GTF2F2: variants seen among roughly 807,000 people sequenced by gnomAD.
GTF2F2 encodes general transcription factor IIF subunit 2, also known as ATP-dependent helicase GTF2F2.
Under a neutral mutation model 42.2 loss-of-function variants are expected in GTF2F2, and 23 were observed. That is an observed-to-expected ratio of 0.55 (90% CI 0.39 to 0.77). The LOEUF (loss-of-function observed/expected upper bound fraction) is 0.77. Ranked by LOEUF, GTF2F2 falls within the 30% of genes least tolerant of loss-of-function variation. The probability of loss-of-function intolerance (pLI) is 0.00; values close to 1 mark genes in which losing one functional copy is unlikely to be tolerated. For synonymous variants in GTF2F2, 105 were observed against 100.8 expected (o/e 1.04, Z -0.25); for missense variants, 261 against 287.2 (o/e 0.91, Z 0.66).
At chr13:45,171,266 A>G (rs1466503232) in intron 4 of GTF2F2, among the ~76,000 whole-genome samples, 1 of 151,786 alleles carries the variant, frequency 6.6e-6, no homozygotes, top group South Asian at 2.1e-4. Context: ...TTTAGTAGAG[A>G]TGGAGTTTCG....
At chr13:45,130,581 G>A (rs1869293640) in intron 1 of GTF2F2, among the ~76,000 whole-genome samples, 2 of 152,216 alleles carry the variant, frequency 1.3e-5, no homozygotes, top group South Asian at 4.1e-4. Flanking sequence ...GTAGTAACTC[G>A]AGTTGGTGAG....
chr13:45,162,219 G>A (rs1402642310), intron 4 of GTF2F2, among the ~76,000 whole-genome samples: 1 of 152,152 alleles, frequency 6.6e-6, no homozygotes, highest in East Asian at 1.9e-4. Flanking sequence ...ATGCTCTGTG[G>A]TGACTCCAGC....
chr13:45,176,271 A>G (rs1302882181), intron 4 of GTF2F2, among the ~76,000 whole-genome samples: 2 of 152,162 alleles, frequency 1.3e-5, no homozygotes, highest in African/African-American at 2.4e-5. Flanking sequence ...TCCCATCAGT[A>G]GTGTATGTAA....
chr13:45,278,766 A>G lies in GTF2F2; in HGVS notation c.631-4676A>G, dbSNP rs141496682. 8.8e-3 allele frequency among the ~76,000 whole-genome samples: 1,235 copies of G among 140,630 alleles called. 8 individuals carry two copies. Among genetic ancestry groups the G allele is most frequent in the Non-Finnish European group, 0.014 (918 of 65,896 alleles). The allele number at this position is 140,630 out of a possible 152,430, so 92.3% of individuals were successfully genotyped here. A position where few individuals can be genotyped will look rare whatever the true frequency, so the allele number is the denominator to read the frequency against. ...AGTGGTCTCATAATACCCTGTACAC[A>G]TGCCTCTGTTATATTTTCTGATTAC... On this transcript the variant is annotated intron_variant, in intron 7 of 7. Transcript: ENST00000340473.
intron 4 of GTF2F2, among the ~76,000 whole-genome samples, chr13:45,164,790 C>A (rs1053374898): frequency 6.6e-6 from 1 of 152,052 alleles, no homozygotes; most frequent in Non-Finnish European, 1.5e-5. Context: ...GTACCCAGTG[C>A]TGGTAAAAAG....
intron 4 of GTF2F2, among the ~76,000 whole-genome samples, chr13:45,159,235 T>A (rs1870916239): frequency 6.6e-6 from 1 of 152,230 alleles, no homozygotes; most frequent in Non-Finnish European, 1.5e-5. Context: ...AAGAACATAC[T>A]AGTTTGTATT....
At chr13:45,173,123 T>C (rs1194937907) in intron 4 of GTF2F2, among the ~76,000 whole-genome samples, 1 of 152,106 alleles carries the variant, frequency 6.6e-6, no homozygotes, top group East Asian at 1.9e-4. Context: ...CACATAGATA[T>C]AGAAAAAAGT....
intron 4 of GTF2F2, among the ~76,000 whole-genome samples, chr13:45,183,168 C>T (rs368952319): frequency 1.3e-5 from 2 of 152,268 alleles, no homozygotes; most frequent in East Asian, 1.9e-4. Flanking sequence ...TGTGTGACTG[C>T]AGGCAAATTG....
intron 2 of GTF2F2, among the ~76,000 whole-genome samples, chr13:45,139,645 T>G (rs1171646277): frequency 2.0e-5 from 3 of 152,202 alleles, no homozygotes; most frequent in African/African-American, 7.2e-5. Context: ...TTCTTTTGTG[T>G]TGTTATTTAT....
At chr13:45,166,317 C>T (rs1871295897) in intron 4 of GTF2F2, among the ~76,000 whole-genome samples, 1 of 152,246 alleles carries the variant, frequency 6.6e-6, no homozygotes, top group Non-Finnish European at 1.5e-5. Context: ...CCAACTCTAT[C>T]AGAAGTCACC....
chr13:45,138,622 C>T (rs771574541), intron 2 of GTF2F2, among the ~76,000 whole-genome samples: 3 of 152,072 alleles, frequency 2.0e-5, no homozygotes, highest in Admixed American at 6.5e-5. Context: ...TTGTGAGTGA[C>T]GATTATGATG....
At chr13:45,189,065 A>G (rs1872532913) in intron 4 of GTF2F2, among the ~76,000 whole-genome samples, 1 of 151,830 alleles carries the variant, frequency 6.6e-6, no homozygotes, top group African/African-American at 2.4e-5. Context: ...TCCCCACCCC[A>G]CAACAGGCCC....
chr13:45,176,567 G>A (rs1156844040), intron 4 of GTF2F2, among the ~76,000 whole-genome samples: 1 of 152,052 alleles, frequency 6.6e-6, no homozygotes, highest in Non-Finnish European at 1.5e-5. Context: ...CTTTTATTCA[G>A]TGGCTTGCCT....
At chr13:45,257,521 G>A (rs971879760) in intron 6 of GTF2F2, among the ~76,000 whole-genome samples, 3 of 152,126 alleles carry the variant, frequency 2.0e-5, no homozygotes, top group African/African-American at 7.2e-5. Context: ...ATATACTCAA[G>A]ATTAGTAAGC....
intron 1 of GTF2F2, among the ~76,000 whole-genome samples, chr13:45,133,666 C>G (rs1346389208): frequency 6.6e-6 from 1 of 152,198 alleles, no homozygotes; most frequent in East Asian, 1.9e-4. Flanking sequence ...CTAGGCAAAC[C>G]TAGATAATGG....
At chr13:45,215,758 A>C (rs772235969) in intron 5 of GTF2F2, among the ~76,000 whole-genome samples, 1 of 111,712 alleles carries the variant, frequency 9.0e-6, no homozygotes, top group Non-Finnish European at 1.9e-5. Flanking sequence ...ACTCTGTCTG[A>C]AAAAAAAAAA....
At chr13:45,218,668 C>T (rs1873984468) in intron 5 of GTF2F2, among the ~76,000 whole-genome samples, 1 of 152,166 alleles carries the variant, frequency 6.6e-6, no homozygotes. Flanking sequence ...TTTTCTGAAA[C>T]ATTTGAAAAT....
chr13:45,175,162 T>G (rs1441396321), intron 4 of GTF2F2, among the ~76,000 whole-genome samples: 2 of 152,242 alleles, frequency 1.3e-5, no homozygotes. Flanking sequence ...ATCAACTGTT[T>G]TAGCTTTCAT....
intron 2 of GTF2F2, among the ~76,000 whole-genome samples, chr13:45,143,192 T>C (rs1226563124): frequency 6.6e-6 from 1 of 152,222 alleles, no homozygotes; most frequent in African/African-American, 2.4e-5. Flanking sequence ...CTCACAGATG[T>C]AGAATCAACT....
Sources: gnomAD v4.1 joint callset for allele counts (sites outside exome capture counted in the v4.1 genomes callset) on GRCh38, gnomAD v4.1.1 for gene constraint, MANE v1.5 for transcripts, NCBI Gene and HGNC (gene_info 2026-07-23, HGNC 2026-07-21) for gene names.